Variants in BRCA2 observed in about 807,000 individuals in gnomAD.
BRCA2 encodes the protein BRCA2 DNA repair associated.
A neutral mutation model predicts 276.7 loss-of-function variants in BRCA2; 203 were observed. The observed-to-expected ratio is 0.73, with a 90% CI of 0.65 to 0.82. BRCA2 has a LOEUF of 0.82. Among genes scored for constraint, BRCA2 ranks in the 40% least tolerant of loss-of-function variants. The pLI is 0.00. For missense variants in BRCA2, 3,920 were observed against 3,915.0 expected, an observed-to-expected ratio of 1.00 and a Z score of -0.03; for synonymous variants, 1,289 against 1,338.4, an observed-to-expected ratio of 0.96 and a Z score of 0.81.
chr13:32,376,022 C>A (rs758192327), intron 20 of BRCA2, among the ~76,000 whole-genome samples: 1 of 152,066 alleles, frequency 6.6e-6, no homozygotes, highest in Non-Finnish European at 1.5e-5. Context: ...CATACTGTTG[C>A]GAAAATGGCG....
At chr13:32,372,427 C>T (rs1157972253) in intron 20 of BRCA2, among the ~76,000 whole-genome samples, 1 of 152,164 alleles carries the variant, frequency 6.6e-6, no homozygotes, top group African/African-American at 2.4e-5. Flanking sequence ...GAGGAGGCCT[C>T]AGGAAACTTA....
intron 18 of BRCA2, among the ~76,000 whole-genome samples, chr13:32,368,001 C>CTTTTT (rs71071031): frequency 5.9e-5 from 3 of 50,728 alleles, no homozygotes; most frequent in African/African-American, 2.5e-4. Context: ...TCTTCTAATT[C>CTTTTT]TTTTTTTTTT....
chr13:32,361,973 A>G (rs2072740131), intron 16 of BRCA2, among the ~76,000 whole-genome samples: 1 of 152,222 alleles, frequency 6.6e-6, no homozygotes, highest in Admixed American at 6.5e-5. Flanking sequence ...CTCATTTTTC[A>G]GGAACAAATA....
intron 16 of BRCA2, among the ~76,000 whole-genome samples, chr13:32,359,613 T>G (rs915312723): frequency 6.6e-6 from 1 of 152,234 alleles, no homozygotes; most frequent in Non-Finnish European, 1.5e-5. Flanking sequence ...TGATAAAACT[T>G]TTTTTCCTGA....
In BRCA2 at chr13:32,399,157, A is replaced by G. The variant is rs760335532; in HGVS notation, c.*387A>G. The stretch of plus-strand genomic sequence containing the variant: ...TCTTTACAAAGAAAAAAAAAAGGGG[A>G]AAAGAAAATCTTTTAAATCTTTGGA... On this transcript the variant is annotated 3_prime_UTR_variant, in exon 27 of 27. Transcript: ENST00000380152. 5.8e-5 allele frequency: 14 copies of G among 239,324 alleles called. No individual in the cohort carries two copies. The highest frequency in any genetic ancestry group is 1.3e-4 in the East Asian group (2 of 15,058). 14.8% of individuals were successfully genotyped at this position (239,324 alleles called of 1,614,324 possible).
In BRCA2 at chr13:32,394,671, C is replaced by A. The variant is rs81002807; in HGVS notation, c.9257-18C>A. 10 of 1,607,522 alleles carry A rather than the reference C, an allele frequency of 6.2e-6. No individual in the cohort carries two copies. Among genetic ancestry groups the A allele is most frequent in the South Asian group, 2.2e-5 (2 of 90,348 alleles). On this transcript the variant is annotated intron_variant, in intron 24 of 26. Coordinates refer to ENST00000380152, the MANE Select transcript of BRCA2 (RefSeq NM_000059.4). Reference sequence around the variant, plus strand: ...AACACATCTATAATAACATTCTTTTCTTTTTTTTCCATTCTAGGACTTGCC... The same window carrying A: ...AACACATCTATAATAACATTCTTTTATTTTTTTTCCATTCTAGGACTTGCC...
At position 32,357,795 on chromosome 13, in the gene BRCA2, A is replaced by G. The variant is rs1057524178; in HGVS notation, c.7671A>G (p.Ala2557=). 1.2e-6 allele frequency: 2 copies of G among 1,613,758 alleles called. No individual in the cohort carries two copies. Among genetic ancestry groups the G allele is most frequent in the African/African-American group, 2.7e-5 (2 of 74,924 alleles). The stretch of plus-strand genomic sequence containing the variant: ...GCATAAAAATTAACAGCAAAAATGC[A>G]GAGTCTTTTCAGTTTCACACTGAAG... ...KHCIKINSKN[A]ESFQFHTEDY... The change falls in exon 16 of 27, where the codon GCA becomes GCG. Residue 2557 remains alanine, a synonymous_variant. Coordinates refer to ENST00000380152, the MANE Select transcript of BRCA2 (RefSeq NM_000059.4).
Position 32,326,485 on chromosome 13 carries a change from T to G in BRCA2, c.517-14T>G, listed in dbSNP as rs1215926483. The G allele has an allele frequency of 6.4e-7, 1 of 1,572,796 alleles. No individual in the cohort carries two copies. Among genetic ancestry groups the G allele is most frequent in the Admixed American group, 1.7e-5 (1 of 59,962 alleles). Reference sequence around the variant, plus strand: ...GCATTTCTATAAAAAATAAACTATTTTCTTTCCTCCCAGGGTCGTCAGACA... The same window carrying G: ...GCATTTCTATAAAAAATAAACTATTGTCTTTCCTCCCAGGGTCGTCAGACA... On this transcript the variant is annotated splice_polypyrimidine_tract_variant and intron_variant, in intron 6 of 26. Coordinates refer to ENST00000380152, the MANE Select transcript of BRCA2 (RefSeq NM_000059.4).
rs1159807733 is a variant in BRCA2, at chr13:32,338,784, A to G, written c.4429A>G (p.Ile1477Val). Residue 1477 changes from isoleucine (I) to valine (V), a missense_variant, in exon 11 of 27, where the codon ATT becomes GTT. Ile to Val is a conservative substitution (Grantham distance 29). Around this residue, in one of 2 missense-constraint regions of BRCA2, gnomAD observed 3,263 missense variants for 3,156.9 expected, o/e 1.03. Coordinates refer to ENST00000380152, the MANE Select transcript of BRCA2 (RefSeq NM_000059.4). ...TGACATAAGAAAGAACAAAATGGACATTCTAAGTTATGAGGAAACAGACAT... is the reference window on the plus strand; with the variant it reads ...TGACATAAGAAAGAACAAAATGGACGTTCTAAGTTATGAGGAAACAGACAT... ...HSDIRKNKMD[I>V]LSYEETDIVK... 1.9e-6 allele frequency: 3 copies of G among 1,612,506 alleles called. No individual in the cohort carries two copies. The highest frequency in any genetic ancestry group is 3.3e-5 in the Admixed American group (2 of 59,870).
At chr13:32,381,770 G>A (rs1328219897) in intron 24 of BRCA2, among the ~76,000 whole-genome samples, 3 of 152,096 alleles carry the variant, frequency 2.0e-5, no homozygotes, top group Non-Finnish European at 4.4e-5. Flanking sequence ...TAGGCTGTAG[G>A]GGGCACAAGA....
Position 32,355,025 on chromosome 13 carries a change from A to G in BRCA2, c.7172A>G (p.Glu2391Gly), listed in dbSNP as rs1333105541. ...PFYQVSATRN[E>G]KMRHLITTGR... ...TATCAAGTTTCTGCTACAAGAAATG[A>G]AAAAATGAGACACTTGATTACTACA... Residue 2391 changes from glutamate (E) to glycine (G), a missense_variant, in exon 14 of 27, where the codon GAA (glutamate) becomes GGA (glycine). This residue lies in a region of BRCA2 where 3,263 missense variants were observed against 3,156.9 expected (regional missense o/e 1.03). Transcript: ENST00000380152. 1 of 1,614,022 alleles carries G rather than the reference A, an allele frequency of 6.2e-7. No individual in the cohort carries two copies. The highest frequency in any genetic ancestry group is 1.1e-5 in the South Asian group (1 of 91,078).
rs1281010421 is a variant in BRCA2, at chr13:32,339,359, C to T, written c.5004C>T (p.Ala1668=). Residue 1668 remains alanine (A), a synonymous_variant, in exon 11 of 27, where the codon GCC becomes GCT. Transcript: ENST00000380152. ...QSPYSVIENS[A]LAFYTSCSRK... is the part of the protein sequence containing the mutation. ...CTTATTCAGTCATTGAAAATTCAGC[C>T]TTAGCTTTTTACACAAGTTGTAGTA... 1 of 1,590,608 alleles carries T rather than the reference C, an allele frequency of 6.3e-7. No homozygotes were observed. The highest frequency in any genetic ancestry group is 8.5e-7 in the Non-Finnish European group (1 of 1,170,084).
intron 9 of BRCA2, among the ~76,000 whole-genome samples, chr13:32,331,637 T>G (rs1290622944): frequency 6.6e-6 from 1 of 152,060 alleles, no homozygotes; most frequent in Non-Finnish European, 1.5e-5. Flanking sequence ...CTATTTAATA[T>G]GTGGTTGTGA....
chr13:32,389,207 G>A (rs966192871), intron 24 of BRCA2, among the ~76,000 whole-genome samples: 1 of 152,124 alleles, frequency 6.6e-6, no homozygotes, highest in Non-Finnish European at 1.5e-5. Flanking sequence ...AAAGGGATTG[G>A]ATAGTGACCA....
rs2137666781 is a variant in BRCA2 at position 32,398,630 on chromosome 13, C to T, written c.10117C>T (p.Pro3373Ser). 6.2e-7 allele frequency: 1 copy of T among 1,614,166 alleles called. No individual in the cohort carries two copies. Among genetic ancestry groups the T allele is most frequent in the Non-Finnish European group, 8.5e-7 (1 of 1,180,030 alleles). ...TGTCAGTGAATCCACTAGGACTGCTCCCACCAGTTCAGAAGATTATCTCAG... is the reference window on the plus strand; with the variant it reads ...TGTCAGTGAATCCACTAGGACTGCTTCCACCAGTTCAGAAGATTATCTCAG... The part of the protein sequence containing the change: ...ISVSESTRTA[P>S]TSSEDYLRLK... The change falls in exon 27 of 27, where the codon CCC becomes TCC. Residue 3373 changes from proline to serine, a missense_variant. Pro to Ser is a moderately conservative substitution (Grantham distance 74, BLOSUM62 -1). Coordinates refer to ENST00000380152, the MANE Select transcript of BRCA2 (RefSeq NM_000059.4).
intron 8 of BRCA2, among the ~76,000 whole-genome samples, chr13:32,330,407 C>T (rs1361607405): frequency 1.3e-5 from 2 of 152,130 alleles, no homozygotes; most frequent in Admixed American, 1.3e-4. Context: ...TTCACTGTTT[C>T]AATTAAAGGA....
intron 3 of BRCA2, among the ~76,000 whole-genome samples, chr13:32,322,203 T>G (rs1383097913): frequency 6.6e-6 from 1 of 152,236 alleles, no homozygotes; most frequent in Non-Finnish European, 1.5e-5. Context: ...TCTGTATAGT[T>G]TTGCCTTTTC....
At chr13:32,381,283 A>G (rs1388173883) in intron 24 of BRCA2, among the ~76,000 whole-genome samples, 2 of 152,212 alleles carry the variant, frequency 1.3e-5, no homozygotes, top group Non-Finnish European at 2.9e-5. Flanking sequence ...AGCTTACATT[A>G]TGAGGTTGGG....
chr13:32,355,211 A>C lies in BRCA2; in HGVS notation c.7358A>C (p.Glu2453Ala). The C allele has an allele frequency of 6.2e-7, 1 of 1,613,134 alleles. No homozygotes were observed. Among genetic ancestry groups the C allele is most frequent in the East Asian group, 2.2e-5 (1 of 44,824 alleles). Residue 2453 changes from glutamate to alanine, a missense_variant, in exon 14 of 27, where the codon GAG (glutamate) becomes GCG (alanine). Glu to Ala is a moderately radical substitution (Grantham distance 107). This residue lies in a region of BRCA2 where 3,263 missense variants were observed against 3,156.9 expected (regional missense o/e 1.03). Transcript: ENST00000380152. ...DDSKNKINDN[E>A]IHQFNKNNSN... ...AGTAAAAATAAGATTAATGACAATGAGATTCATCAGTTTAACAAAAACAAC... is the reference window on the plus strand; with the variant it reads ...AGTAAAAATAAGATTAATGACAATGCGATTCATCAGTTTAACAAAAACAAC...
Sources: gnomAD v4.1 joint callset for allele counts (sites outside exome capture counted in the v4.1 genomes callset) on GRCh38, gnomAD v4.1.1 for gene constraint, gnomAD v4.1.1 regional missense constraint, MANE v1.5 for transcripts, NCBI Gene and HGNC (gene_info 2026-07-23, HGNC 2026-07-21) for gene names.